The following ZNF827 variants were observed in gnomAD, a reference collection of about 807,000 sequenced individuals.
ZNF827 encodes the protein zinc finger protein 827.
Under a neutral mutation model 102.4 loss-of-function variants are expected in ZNF827, and 13 were observed. The ratio of observed to expected loss-of-function variants is 0.13; its 90% CI spans 0.08 to 0.20. The LOEUF is 0.20. ZNF827 is among the 10% of genes least tolerant of loss of function. The probability of loss-of-function intolerance (pLI) is 1.00; values close to 1 mark genes in which losing one functional copy is unlikely to be tolerated. For missense variants in ZNF827, 1,103 were observed against 1,344.4 expected (o/e 0.82, Z 2.81); for synonymous variants, 523 against 536.2 (o/e 0.98, Z 0.34).
At chr4:145,929,423 A>G (rs1753650283) in intron 1 of ZNF827, among the ~76,000 whole-genome samples, 1 of 152,234 alleles carries the variant, frequency 6.6e-6, no homozygotes, top group African/African-American at 2.4e-5. Flanking sequence ...AGGATTTAGT[A>G]TCCTCACTTT....
intron 1 of ZNF827, among the ~76,000 whole-genome samples, chr4:145,922,985 AT>A (rs1349111820): frequency 5.9e-5 from 9 of 151,948 alleles, no homozygotes; most frequent in East Asian, 1.9e-4. Context: ...TGATATTAAT[AT>A]TTTTTTTATA....
chr4:145,848,922 C>CACTTGGCA, intron 6 of ZNF827, among the ~76,000 whole-genome samples: 1 of 152,046 alleles, frequency 6.6e-6, no homozygotes, highest in African/African-American at 2.4e-5. Flanking sequence ...TAATTCAGAC[C>CACTTGGCA]ACACTAATTT....
chr4:145,763,241 T>G lies in ZNF827; in HGVS notation c.3231-119A>C. 1.9e-6 allele frequency: 2 copies of G among 1,044,850 alleles called. No individual in the cohort carries two copies. Among genetic ancestry groups the G allele is most frequent in the South Asian group, 3.2e-5 (2 of 62,778 alleles). 64.7% of individuals were successfully genotyped at this position (1,044,850 alleles called of 1,614,324 possible). A position where few individuals can be genotyped will look rare whatever the true frequency, so the allele number is the denominator to read the frequency against. ...TAGACATCAGCAGTCTGTTTCATTTTAAGGACATTTCTGTGACCCACAGCT... is the reference window on the plus strand; with the variant it reads ...TAGACATCAGCAGTCTGTTTCATTTGAAGGACATTTCTGTGACCCACAGCT... On this transcript the variant is annotated intron_variant, in intron 13 of 14. Transcript: ENST00000508784. The surrounding 1 kb of genome is among the most constrained non-coding windows in gnomAD (Gnocchi z 4.6).
At chr4:145,904,752 T>A (rs1751701527) in intron 1 of ZNF827, among the ~76,000 whole-genome samples, 1 of 152,172 alleles carries the variant, frequency 6.6e-6, no homozygotes, top group South Asian at 2.1e-4. Flanking sequence ...ACATGCACTG[T>A]GGTGCAGGAG....
At chr4:145,937,630 C>T (rs1012503550) in intron 1 of ZNF827, among the ~76,000 whole-genome samples, 2 of 146,106 alleles carry the variant, frequency 1.4e-5, no homozygotes, top group African/African-American at 5.0e-5. Context: ...CGCGTGTGTA[C>T]CCGTGTGTTT....
At position 145,774,041 on chromosome 4, in the gene ZNF827, G is replaced by A. The variant is rs1736669539; in HGVS notation, c.2860+465C>T. On this transcript the variant is annotated intron_variant, in intron 11 of 14. Transcript: ENST00000508784. ...TACTGAACTAGTGACTGAAACTAGT[G>A]ACCACAGCAACCCCTAGTTGCTGAC... Among the ~76,000 whole-genome samples the A allele has an allele frequency of 2.6e-5, 4 of 152,140 alleles. No homozygotes were observed. In the South Asian group the frequency reaches 8.3e-4, roughly 32 times the overall value.
chr4:145,915,229 C>T (rs745622895), intron 1 of ZNF827, among the ~76,000 whole-genome samples: 1 of 152,138 alleles, frequency 6.6e-6, no homozygotes, highest in Non-Finnish European at 1.5e-5. Flanking sequence ...GGGTGGATCA[C>T]CTGAGGTTGG....
chr4:145,837,476 CA>C (rs570621829), intron 7 of ZNF827, among the ~76,000 whole-genome samples: 2 of 150,758 alleles, frequency 1.3e-5, no homozygotes, highest in Non-Finnish European at 3.0e-5. Context: ...TGCCCCCCAC[CA>C]AAAAAAAACT....
At chr4:145,836,883 A>G (rs890271783) in intron 7 of ZNF827, among the ~76,000 whole-genome samples, 1 of 151,926 alleles carries the variant, frequency 6.6e-6, no homozygotes, top group Non-Finnish European at 1.5e-5. Flanking sequence ...TCCATCTGCT[A>G]TTCTGCTACT....
In ZNF827 at chr4:145,870,409, A is replaced by G. The variant is rs772176493; in HGVS notation, c.1817T>C (p.Leu606Pro). 6.2e-7 allele frequency: 1 copy of G among 1,614,120 alleles called. No individual in the cohort carries two copies. ...GCTGGACCGAGGCAAAGTCGTGCTT[A>G]GGGACTCCCCTTCCTTAGGCTCCTC... ...VKEEPKEGES[L>P]STTLPRSSYV... The change falls in exon 5 of 15, where the codon CTA (leucine) becomes CCA (proline). Residue 606 changes from leucine to proline, a missense_variant. Physicochemically the swap from Leu to Pro is moderately conservative, Grantham distance 98 (BLOSUM62 -3). Transcript: ENST00000508784.
At position 145,936,444 on chromosome 4, in the gene ZNF827, A is replaced by AT. The variant is rs374539907; in HGVS notation, c.43+1920dup. Among the ~76,000 whole-genome samples the AT allele has an allele frequency of 1.7e-3, 251 of 149,050 alleles. 4 individuals carry two copies. In the South Asian group the frequency reaches 0.028, roughly 16 times the overall value. ...GGCGAAGAAAGGACTGCACAGGGGCATTTTTTTTTTTTAAAGGAAGGGGAA... is the reference window on the plus strand; with the variant it reads ...GGCGAAGAAAGGACTGCACAGGGGCATTTTTTTTTTTTTAAAGGAAGGGGAA... On this transcript the variant is annotated intron_variant, in intron 1 of 14. Coordinates refer to ENST00000508784, the MANE Select transcript of ZNF827 (RefSeq NM_001306215.2).
intron 2 of ZNF827, among the ~76,000 whole-genome samples, chr4:145,898,024 G>A (rs1486663081): frequency 6.6e-6 from 1 of 152,130 alleles, no homozygotes; most frequent in Non-Finnish European, 1.5e-5. Context: ...GTGTGGTGGT[G>A]CATGCCTGTA....
At chr4:145,856,430 A>G (rs1468101052) in intron 5 of ZNF827, among the ~76,000 whole-genome samples, 1 of 152,108 alleles carries the variant, frequency 6.6e-6, no homozygotes, top group Non-Finnish European at 1.5e-5. Context: ...TGCTCTGAGG[A>G]GTGAACTCCA....
intron 8 of ZNF827, among the ~76,000 whole-genome samples, chr4:145,788,362 C>G (rs545946722): frequency 2.6e-5 from 4 of 152,162 alleles, no homozygotes; most frequent in African/African-American, 7.2e-5. Context: ...TCACATAGAA[C>G]TTGAGCACCA....
At chr4:145,767,768 T>C (rs1735539326) in intron 11 of ZNF827, among the ~76,000 whole-genome samples, 1 of 152,106 alleles carries the variant, frequency 6.6e-6, no homozygotes, top group African/African-American at 2.4e-5. Flanking sequence ...AGTGAAAATA[T>C]ATTTCAAAAA....
intron 8 of ZNF827, among the ~76,000 whole-genome samples, chr4:145,802,039 C>T (rs768483019): frequency 1.3e-5 from 2 of 152,008 alleles, no homozygotes; most frequent in African/African-American, 2.4e-5. Flanking sequence ...TCTAATACAC[C>T]GAATAAGAAT....
intron 7 of ZNF827, among the ~76,000 whole-genome samples, chr4:145,838,346 ATTTTCTTTT>A (rs1745085072): frequency 2.0e-5 from 3 of 151,830 alleles, no homozygotes; most frequent in Non-Finnish European, 4.4e-5. Context: ...TTTGACTGTA[ATTTTCTTTT>A]ACCTACCCAA....
intron 8 of ZNF827, among the ~76,000 whole-genome samples, chr4:145,799,098 T>C (rs1405475918): frequency 6.6e-6 from 1 of 152,236 alleles, no homozygotes; most frequent in African/African-American, 2.4e-5. Context: ...ATTATCTTCA[T>C]ATTCAAAGCA....
chr4:145,843,763 A>C (rs546581663), intron 7 of ZNF827, among the ~76,000 whole-genome samples: 4 of 152,210 alleles, frequency 2.6e-5, no homozygotes, highest in Non-Finnish European at 5.9e-5. Context: ...CGCTGTCCCC[A>C]TTGGAACCCC....
Sources: allele counts gnomAD v4.1 joint callset (sites outside exome capture counted in the v4.1 genomes callset), GRCh38; gene constraint gnomAD v4.1.1; non-coding constraint Gnocchi (gnomAD v3.1); transcripts MANE v1.5; gene names NCBI Gene and HGNC (gene_info 2026-07-23, HGNC 2026-07-21).